CTNNA3: variants seen among roughly 807,000 people sequenced by gnomAD.
The protein encoded by CTNNA3 is catenin alpha 3.
A neutral mutation model predicts 95.7 loss-of-function variants in CTNNA3; 76 were observed. The ratio of observed to expected loss-of-function variants is 0.79; its 90% confidence interval spans 0.66 to 0.96. The LOEUF is 0.96. Among genes scored for constraint, CTNNA3 ranks in the 40% least tolerant of loss-of-function variants. The probability of loss-of-function intolerance (pLI) is 0.00; values close to 1 mark genes in which losing one functional copy is unlikely to be tolerated. For missense variants in CTNNA3, 1,191 were observed against 1,089.8 expected (o/e 1.09, Z -1.31); for synonymous variants, 431 against 374.4 (o/e 1.15, Z -1.74).
At chr10:67,233,011 C>T (rs1865290799) in intron 5 of CTNNA3, among the ~76,000 whole-genome samples, 2 of 152,188 alleles carry the variant, frequency 1.3e-5, no homozygotes, top group South Asian at 4.1e-4. Context: ...ATTCGTAAAG[C>T]AAGTCCTGAG....
At chr10:66,296,315 C>T (rs1180134945) in intron 12 of CTNNA3, among the ~76,000 whole-genome samples, 1 of 152,114 alleles carries the variant, frequency 6.6e-6, no homozygotes, top group Non-Finnish European at 1.5e-5. Context: ...ACTTTCTCAG[C>T]TGTTACTCAA....
chr10:66,442,893 G>T (rs1017488655), intron 11 of CTNNA3, among the ~76,000 whole-genome samples: 5 of 152,176 alleles, frequency 3.3e-5, no homozygotes, highest in Non-Finnish European at 7.3e-5. Context: ...GGGTCAGGGG[G>T]TTCCCTTTCC....
chr10:66,244,638 C>T (rs1436223817), intron 13 of CTNNA3, among the ~76,000 whole-genome samples: 1 of 152,174 alleles, frequency 6.6e-6, no homozygotes. Context: ...TCCAAGACAA[C>T]AAAGGCGGCA....
At chr10:66,998,824 G>A (rs1851516493) in intron 7 of CTNNA3, among the ~76,000 whole-genome samples, 1 of 152,026 alleles carries the variant, frequency 6.6e-6, no homozygotes, top group Admixed American at 6.6e-5. Context: ...GTGGATTGTG[G>A]GAGATACAAA....
At chr10:66,940,726 T>C (rs1847950798) in intron 7 of CTNNA3, among the ~76,000 whole-genome samples, 3 of 152,152 alleles carry the variant, frequency 2.0e-5, no homozygotes. Context: ...AAGTAATCAA[T>C]GGCTAAATTA....
intron 13 of CTNNA3, among the ~76,000 whole-genome samples, chr10:66,275,366 C>T (rs1369972505): frequency 6.6e-6 from 1 of 152,204 alleles, no homozygotes; most frequent in East Asian, 1.9e-4. Flanking sequence ...AATCCGCCCA[C>T]CTTGGCCTCC....
At chr10:66,278,860 T>C (rs1297471450) in intron 13 of CTNNA3, among the ~76,000 whole-genome samples, 5 of 152,124 alleles carry the variant, frequency 3.3e-5, no homozygotes, top group Non-Finnish European at 5.9e-5. Context: ...GTTTCTTTTA[T>C]GGATTCATCT....
intron 7 of CTNNA3, among the ~76,000 whole-genome samples, chr10:66,978,547 A>T (rs867088430): frequency 2.2e-4 from 18 of 81,150 alleles, no homozygotes; most frequent in South Asian, 4.5e-4. Context: ...AAAAAAAAAA[A>T]AAAAAATATA....
chr10:66,554,434 A>G (rs2660028), intron 10 of CTNNA3, among the ~76,000 whole-genome samples: 114,448 of 151,644 alleles, frequency 0.75, 43,996 homozygotes, highest in Non-Finnish European at 0.82. Flanking sequence ...AAAAAAAATA[A>G]TTCTTTTTGC....
rs969161572 is a variant in CTNNA3, at chr10:66,765,083, C to G, written c.1281+1181G>C. ...GATTTCAAAGTTGGAGGTGGAACGGCTTTGGGCTACAAAAATTGTAGCAAT... is the reference window on the plus strand; with the variant it reads ...GATTTCAAAGTTGGAGGTGGAACGGGTTTGGGCTACAAAAATTGTAGCAAT... On this transcript the variant is annotated intron_variant, in intron 9 of 17. Transcript: ENST00000433211. Among the ~76,000 whole-genome samples, 61 of 152,130 alleles carry G rather than the reference C, an allele frequency of 4.0e-4. 1 individual carries two copies. The highest frequency in any genetic ancestry group is 2.9e-5 in the Non-Finnish European group (2 of 68,022).
chr10:66,864,013 T>G (rs1844063519), intron 7 of CTNNA3, among the ~76,000 whole-genome samples: 1 of 152,148 alleles, frequency 6.6e-6, no homozygotes, highest in African/African-American at 2.4e-5. Context: ...TACCAAATCA[T>G]AAGCTGCTTT....
chr10:66,309,259 G>GT (rs1295259034), intron 12 of CTNNA3, among the ~76,000 whole-genome samples: 1 of 152,122 alleles, frequency 6.6e-6, no homozygotes, highest in East Asian at 1.9e-4. Context: ...TGCTTCATGA[G>GT]TTTTTTCACC....
At chr10:66,773,619 C>T (rs747487370) in intron 8 of CTNNA3, among the ~76,000 whole-genome samples, 20 of 152,154 alleles carry the variant, frequency 1.3e-4, no homozygotes, top group Non-Finnish European at 2.1e-4. Context: ...CCGCTGACGC[C>T]CAGCCAACCC....
intron 7 of CTNNA3, among the ~76,000 whole-genome samples, chr10:67,001,217 C>T (rs1048703017): frequency 6.7e-6 from 1 of 150,012 alleles, no homozygotes; most frequent in African/African-American, 2.5e-5. Context: ...AGGAGAATCG[C>T]TTGAACCAGG....
chr10:66,789,831 G>A (rs1840897927), intron 7 of CTNNA3, among the ~76,000 whole-genome samples: 1 of 152,138 alleles, frequency 6.6e-6, no homozygotes, highest in Non-Finnish European at 1.5e-5. Flanking sequence ...GCATGGACAA[G>A]GGGCATTTGG....
chr10:67,706,031 G>A (rs560315177), intron 1 of CTNNA3, among the ~76,000 whole-genome samples: 1 of 152,172 alleles, frequency 6.6e-6, no homozygotes, highest in South Asian at 2.1e-4. Context: ...AAGAGGTCTT[G>A]GCATGAATGG....
At chr10:67,171,395 A>G (rs2132114018) in intron 7 of CTNNA3, among the ~76,000 whole-genome samples, 1 of 152,078 alleles carries the variant, frequency 6.6e-6, no homozygotes, top group African/African-American at 2.4e-5. Flanking sequence ...ACCAACATGG[A>G]GAAACCCCGT....
chr10:66,914,130 C>CTTTTTTTTTTTTTTCTTT (rs1564762700), intron 7 of CTNNA3, among the ~76,000 whole-genome samples: 2 of 120,272 alleles, frequency 1.7e-5, no homozygotes, highest in African/African-American at 6.3e-5. Flanking sequence ...AGGGTGCCTT[C>CTTTTTTTTTTTTTTCTTT]TTTTTTTTTT....
intron 6 of CTNNA3, among the ~76,000 whole-genome samples, chr10:67,205,971 G>A (rs1017180381): frequency 6.6e-6 from 1 of 152,050 alleles, no homozygotes; most frequent in African/African-American, 2.4e-5. Flanking sequence ...TCAAGAACCT[G>A]GAAACCATCT....
Sources: allele counts gnomAD v4.1 joint callset (sites outside exome capture counted in the v4.1 genomes callset), GRCh38; gene constraint gnomAD v4.1.1; transcripts MANE v1.5; gene names NCBI Gene and HGNC (gene_info 2026-07-23, HGNC 2026-07-21).